NR1H4: variants seen among roughly 807,000 people sequenced by gnomAD.
NR1H4 encodes bile acid receptor.
Under a neutral mutation model 58.5 loss-of-function variants are expected in NR1H4, and 23 were observed. The observed-to-expected ratio is 0.39, with a 90% confidence interval of 0.28 to 0.56. The LOEUF (loss-of-function observed/expected upper bound fraction) is 0.56. Ranked by LOEUF, NR1H4 falls within the 20% of genes least tolerant of loss-of-function variation. The pLI, the probability that NR1H4 is intolerant of heterozygous loss-of-function variation, is 0.58. For synonymous variants in NR1H4, 214 were observed against 198.0 expected, an observed-to-expected ratio of 1.08 and a Z score of -0.68; for missense variants, 487 against 576.9, an observed-to-expected ratio of 0.84 and a Z score of 1.60.
chr12:100,557,033 A>G (rs1328812216), intron 9 of NR1H4, among the ~76,000 whole-genome samples: 1 of 152,042 alleles, frequency 6.6e-6, no homozygotes, highest in Non-Finnish European at 1.5e-5. Flanking sequence ...AATTTTTTTT[A>G]CATTTTATTT....
At chr12:100,511,403 C>T (rs993373976) in intron 4 of NR1H4, among the ~76,000 whole-genome samples, 2 of 152,058 alleles carry the variant, frequency 1.3e-5, no homozygotes, top group Admixed American at 6.6e-5. Context: ...CAACCTCACA[C>T]GTAGCTAAAG....
intron 9 of NR1H4, among the ~76,000 whole-genome samples, chr12:100,549,368 C>T (rs911421217): frequency 3.3e-5 from 5 of 151,926 alleles, no homozygotes; most frequent in African/African-American, 1.2e-4. Context: ...AAACACATTC[C>T]AGCAAGTAGG....
At chr12:100,482,795 C>A (rs1349337158) in intron 1 of NR1H4, among the ~76,000 whole-genome samples, 3 of 152,124 alleles carry the variant, frequency 2.0e-5, no homozygotes, top group Admixed American at 6.5e-5. Context: ...GTCCTGGAAG[C>A]CTCAACTCCA....
intron 3 of NR1H4, among the ~76,000 whole-genome samples, chr12:100,509,173 A>G (rs1954043300): frequency 1.3e-5 from 2 of 152,216 alleles, no homozygotes; most frequent in Admixed American, 6.5e-5. Flanking sequence ...AGATTTATCA[A>G]TAGTTTGAAT....
At position 100,551,302 on chromosome 12, in the gene NR1H4, T is replaced by C. The variant is rs77612289; in HGVS notation, c.1078+10484T>C. On this transcript the variant is annotated intron_variant, in intron 9 of 10. Transcript: ENST00000392986. ...AGCCCTTAATAGTACCATACTAAAA[T>C]ATACTGTGCTTATTTTTGTTATATG... 1.3e-3 allele frequency among the ~76,000 whole-genome samples: 205 copies of C among 152,316 alleles called. 1 individual carries two copies. The highest frequency in any genetic ancestry group is 4.7e-3 in the African/African-American group (194 of 41,574).
intron 4 of NR1H4, among the ~76,000 whole-genome samples, chr12:100,518,823 C>A (rs537567263): frequency 7.3e-6 from 1 of 136,296 alleles, no homozygotes; most frequent in African/African-American, 2.8e-5. Context: ...GATGGACTCT[C>A]GCTCTGTCAC....
intron 1 of NR1H4, among the ~76,000 whole-genome samples, chr12:100,487,102 T>C (rs1953507844): frequency 2.0e-5 from 3 of 152,210 alleles, no homozygotes; most frequent in Admixed American, 2.0e-4. Context: ...AAATTACTGC[T>C]AATCAGAGTA....
At chr12:100,515,713 G>A (rs779751005) in intron 4 of NR1H4, among the ~76,000 whole-genome samples, 4 of 152,160 alleles carry the variant, frequency 2.6e-5, no homozygotes, top group Non-Finnish European at 4.4e-5. Flanking sequence ...TGTTATTATT[G>A]TTATGGTCCT....
At chr12:100,553,289 C>T (rs1410537947) in intron 9 of NR1H4, among the ~76,000 whole-genome samples, 1 of 152,096 alleles carries the variant, frequency 6.6e-6, no homozygotes, top group Admixed American at 6.5e-5. Context: ...TGAGTCACTG[C>T]GCCCGGCCGA....
intron 3 of NR1H4, among the ~76,000 whole-genome samples, chr12:100,495,458 C>A (rs1393097192): frequency 6.6e-6 from 1 of 152,144 alleles, no homozygotes; most frequent in Admixed American, 6.5e-5. Flanking sequence ...CTAGGCTGGG[C>A]ATAGTGGCTC....
chr12:100,524,684 AT>A (rs1954511314), intron 4 of NR1H4, among the ~76,000 whole-genome samples: 1 of 152,166 alleles, frequency 6.6e-6, no homozygotes, highest in Non-Finnish European at 1.5e-5. Flanking sequence ...AGGGCATATC[AT>A]TAGAAAAAAG....
At chr12:100,524,005 C>T (rs918748831) in intron 4 of NR1H4, among the ~76,000 whole-genome samples, 12 of 151,832 alleles carry the variant, frequency 7.9e-5, no homozygotes, top group Admixed American at 2.6e-4. Context: ...GAAAAGAATA[C>T]GTAGAAAAAT....
intron 3 of NR1H4, among the ~76,000 whole-genome samples, chr12:100,500,786 C>T (rs1953816702): frequency 1.3e-5 from 2 of 152,102 alleles, no homozygotes; most frequent in Admixed American, 1.3e-4. Context: ...GCTTTGCTGC[C>T]CTTTCACCTT....
intron 7 of NR1H4, 103 bp from the exon 8 acceptor site, chr12:100,536,845 T>C: frequency 1.3e-6 from 1 of 774,176 alleles, no homozygotes; most frequent in South Asian, 1.8e-5. Flanking sequence ...AAGATGGGTT[T>C]TCAAATTTTA....
intron 4 of NR1H4, among the ~76,000 whole-genome samples, chr12:100,522,576 G>C (rs1365854868): frequency 6.6e-6 from 1 of 151,582 alleles, no homozygotes; most frequent in African/African-American, 2.4e-5. Context: ...ATAGCTTTTG[G>C]GGGTACAGTC....
At chr12:100,475,389 A>T (rs1953247108) in intron 1 of NR1H4, among the ~76,000 whole-genome samples, 1 of 152,170 alleles carries the variant, frequency 6.6e-6, no homozygotes, top group Non-Finnish European at 1.5e-5. Flanking sequence ...TGGTTAACTG[A>T]TAAAGTACTG....
intron 1 of NR1H4, among the ~76,000 whole-genome samples, chr12:100,485,153 C>T (rs1057145041): frequency 1.3e-5 from 2 of 152,168 alleles, no homozygotes; most frequent in Admixed American, 6.5e-5. Context: ...ATATGGGGCT[C>T]ATTACTTTCA....
intron 3 of NR1H4, among the ~76,000 whole-genome samples, chr12:100,507,247 T>C (rs2136143578): frequency 6.6e-6 from 1 of 152,294 alleles, no homozygotes; most frequent in Middle Eastern, 3.4e-3. Flanking sequence ...TTTAATACTT[T>C]TTAGTTTTTT....
chr12:100,486,200 T>A (rs187510814), intron 1 of NR1H4, among the ~76,000 whole-genome samples: 1 of 152,248 alleles, frequency 6.6e-6, no homozygotes, highest in Non-Finnish European at 1.5e-5. Flanking sequence ...CCACCCTTAA[T>A]CTCCTCATGT....
Sources: allele counts gnomAD v4.1 joint callset (sites outside exome capture counted in the v4.1 genomes callset), GRCh38; gene constraint gnomAD v4.1.1; transcripts MANE v1.5; gene names NCBI Gene and HGNC (gene_info 2026-07-23, HGNC 2026-07-21).